PTTG1IP2: variants seen among roughly 807,000 people sequenced by gnomAD.
The protein encoded by PTTG1IP2 is PTTG1IP family member 2.
chr7:90,507,751 A>C (rs12704545), intron 6 of PTTG1IP2, among the ~76,000 whole-genome samples: 61,745 of 152,008 alleles, frequency 0.41, 13,430 homozygotes, highest in Non-Finnish European at 0.51. Flanking sequence ...TGTGAGATGT[A>C]ATTTAAATAC....
At chr7:90,482,914 C>A (rs1216138303) in intron 2 of PTTG1IP2, among the ~76,000 whole-genome samples, 2 of 152,112 alleles carry the variant, frequency 1.3e-5, no homozygotes, top group Non-Finnish European at 2.9e-5. Context: ...TCTCCTGCAG[C>A]CTACTTTATC....
At chr7:90,500,189 G>T (rs757920448) in intron 6 of PTTG1IP2, among the ~76,000 whole-genome samples, 33 of 152,102 alleles carry the variant, frequency 2.2e-4, no homozygotes, top group Non-Finnish European at 3.8e-4. Context: ...ACTCCAGCCT[G>T]GGCAACAGAG....
At chr7:90,508,000 G>T (rs996986692) in intron 6 of PTTG1IP2, among the ~76,000 whole-genome samples, 1 of 152,022 alleles carries the variant, frequency 6.6e-6, no homozygotes, top group Non-Finnish European at 1.5e-5. Context: ...GCTCACACCT[G>T]TAATCCCAGT....
intron 6 of PTTG1IP2, among the ~76,000 whole-genome samples, chr7:90,501,161 G>T (rs2116111066): frequency 6.6e-6 from 1 of 152,220 alleles, no homozygotes; most frequent in East Asian, 1.9e-4. Flanking sequence ...GATAGTAACT[G>T]AAAAAGGAAA....
intron 4 of PTTG1IP2, among the ~76,000 whole-genome samples, chr7:90,490,370 A>G (rs1797924108): frequency 6.6e-6 from 1 of 151,872 alleles, no homozygotes; most frequent in Non-Finnish European, 1.5e-5. Context: ...ATGCACATTT[A>G]TAGGTCAACC....
At chr7:90,506,010 A>G (rs1004165358) in intron 6 of PTTG1IP2, among the ~76,000 whole-genome samples, 18 of 146,796 alleles carry the variant, frequency 1.2e-4, no homozygotes, top group Non-Finnish European at 2.1e-4. Flanking sequence ...AAAAAAAAAA[A>G]AAAAAAAAAA....
At chr7:90,503,928 T>C (rs1262121677) in intron 6 of PTTG1IP2, among the ~76,000 whole-genome samples, 1 of 152,104 alleles carries the variant, frequency 6.6e-6, no homozygotes, top group African/African-American at 2.4e-5. Flanking sequence ...CTTAAATCTG[T>C]AGAAAGCACA....
intron 6 of PTTG1IP2, among the ~76,000 whole-genome samples, chr7:90,498,089 G>A (rs900270254): frequency 4.2e-4 from 64 of 151,466 alleles, no homozygotes; most frequent in African/African-American, 1.4e-3. Context: ...GCAGTGGCAC[G>A]ATCTCGGCTC....
At chr7:90,504,189 T>C (rs1798097626) in intron 6 of PTTG1IP2, among the ~76,000 whole-genome samples, 1 of 152,080 alleles carries the variant, frequency 6.6e-6, no homozygotes, top group African/African-American at 2.4e-5. Flanking sequence ...TGGTGGTGGG[T>C]GCCTGTAATC....
In PTTG1IP2 at chr7:90,479,220, A is replaced by T. The variant is rs63963; in HGVS notation, c.146-8A>T. 0.96 allele frequency: 145,981 copies of T among 152,634 alleles called. 69,857 individuals carry two copies. The highest frequency in any genetic ancestry group is 1 in the East Asian group (5,183 of 5,188). The allele number at this position is 152,634 out of a possible 1,614,324, so 9.5% of individuals were successfully genotyped here. On this transcript the variant is annotated splice_polypyrimidine_tract_variant and splice_region_variant and intron_variant, in intron 1 of 6. Coordinates refer to ENST00000509356, the MANE Select transcript of PTTG1IP2 (RefSeq NM_001365443.2). ...ATTAATTTTGGACTTAATTTTTTTTAATTGTAGAATGTGCTGTAAAGAAGA... is the reference window on the plus strand; with the variant it reads ...ATTAATTTTGGACTTAATTTTTTTTTATTGTAGAATGTGCTGTAAAGAAGA...
intron 2 of PTTG1IP2, among the ~76,000 whole-genome samples, chr7:90,480,832 G>A (rs1797807561): frequency 6.6e-6 from 1 of 152,204 alleles, no homozygotes; most frequent in African/African-American, 2.4e-5. Context: ...ACTTGTTGGA[G>A]AAACTAGATT....
chr7:90,505,711 G>A (rs1374579907), intron 6 of PTTG1IP2, among the ~76,000 whole-genome samples: 1 of 152,028 alleles, frequency 6.6e-6, no homozygotes, highest in Admixed American at 6.5e-5. Flanking sequence ...TCGGCCGGGC[G>A]CAGTGGCTCA....
intron 2 of PTTG1IP2, among the ~76,000 whole-genome samples, chr7:90,484,132 T>C (rs1797842734): frequency 6.6e-6 from 1 of 152,012 alleles, no homozygotes; most frequent in Admixed American, 6.6e-5. Context: ...TGTTTATTTC[T>C]GGTACCAATA....
intron 1 of PTTG1IP2, among the ~76,000 whole-genome samples, chr7:90,475,628 A>G (rs1295365036): frequency 1.3e-5 from 2 of 152,174 alleles, no homozygotes; most frequent in African/African-American, 4.8e-5. Context: ...AGGAGGAGAG[A>G]AATGGAAGAG....
intron 1 of PTTG1IP2, among the ~76,000 whole-genome samples, chr7:90,472,916 A>T (rs1164786991): frequency 6.6e-6 from 1 of 152,164 alleles, no homozygotes; most frequent in Non-Finnish European, 1.5e-5. Flanking sequence ...GCTGATGGGG[A>T]ACCAGGAGAG....
At chr7:90,497,713 T>TAAAAAAAAAAAAAAAAAAAAAAAAAAAA (rs1491565834) in intron 6 of PTTG1IP2, among the ~76,000 whole-genome samples, 1 of 49,598 alleles carries the variant, frequency 2.0e-5, no homozygotes, top group African/African-American at 1.0e-4. Context: ...AAAGACCCTG[T>TAAAAAAAAAAAAAAAAAAAAAAAAAAAA]ATAAAAAAAA....
At chr7:90,510,532 T>A (rs1006657862) in intron 6 of PTTG1IP2, among the ~76,000 whole-genome samples, 6 of 152,192 alleles carry the variant, frequency 3.9e-5, no homozygotes, top group African/African-American at 9.7e-5. Flanking sequence ...CATGCATGCA[T>A]GTATGTTTGC....
intron 2 of PTTG1IP2, among the ~76,000 whole-genome samples, chr7:90,485,201 A>C (rs566942210): frequency 6.6e-6 from 1 of 152,294 alleles, no homozygotes; most frequent in South Asian, 2.1e-4. Flanking sequence ...TTTAAAAATA[A>C]ACGACCTCAG....
rs374722636 is a variant in PTTG1IP2 at position 90,512,546 on chromosome 7, G to T, written c.*51-732G>T. Among the ~76,000 whole-genome samples, 22 of 152,276 alleles carry T rather than the reference G, an allele frequency of 1.4e-4. No homozygotes were observed. In the South Asian group the frequency reaches 4.6e-3, roughly 32 times the overall value. On this transcript the variant is annotated intron_variant, in intron 6 of 6. Coordinates refer to ENST00000509356, the MANE Select transcript of PTTG1IP2 (RefSeq NM_001365443.2). ...CTTTGTGGCTATAGAAATATTCGGG[G>T]ATAAGATTATGTCAGGATTTATTGG... is the stretch of plus-strand genomic sequence containing the variant.
Sources: gnomAD v4.1 joint callset for allele counts (sites outside exome capture counted in the v4.1 genomes callset) on GRCh38, gnomAD v4.1.1 for gene constraint, MANE v1.5 for transcripts, NCBI Gene and HGNC (gene_info 2026-07-23, HGNC 2026-07-21) for gene names.